The following PLB1 variants were observed in gnomAD, a reference collection of about 807,000 sequenced individuals.
PLB1 encodes the protein phospholipase B1, also known as phospholipase B1, membrane-associated.
Under a neutral mutation model 227.4 loss-of-function variants are expected in PLB1, and 242 were observed. The observed-to-expected ratio is 1.06, with a 90% CI of 0.96 to 1.18. The LOEUF is 1.18. PLB1 is among the 50% of genes most tolerant of loss of function. PLB1 has a pLI of 0.00. For missense variants in PLB1, 1,858 were observed against 1,816.3 expected, an observed-to-expected ratio of 1.02 and a Z score of -0.42; for synonymous variants, 757 against 682.2, an observed-to-expected ratio of 1.11 and a Z score of -1.71.
intron 35 of PLB1, among the ~76,000 whole-genome samples, chr2:28,599,798 TAG>T (rs1683576789): frequency 6.6e-6 from 1 of 151,050 alleles, no homozygotes; most frequent in Non-Finnish European, 1.5e-5. Flanking sequence ...GTATTTTTAG[TAG>T]AGATAGGATT....
At chr2:28,641,191 G>A (rs571492856) in intron 57 of PLB1, among the ~76,000 whole-genome samples, 190 bp downstream of exon 57, 1 of 152,346 alleles carries the variant, frequency 6.6e-6, no homozygotes, top group South Asian at 2.1e-4. Context: ...CATGGAGGGA[G>A]GGGAGAGGAC....
rs1425971858 is a variant in PLB1, at chr2:28,565,356, G to A, written c.1280+3G>A. On this transcript the variant is annotated splice_donor_region_variant and intron_variant, in intron 19 of 57. Coordinates refer to ENST00000327757, the MANE Select transcript of PLB1 (RefSeq NM_153021.5). The stretch of plus-strand genomic sequence containing the variant: ...CAGTACCGAGGCCTGTCCTGGAGGT[G>A]AGTGAGGGTGTGGCAAGGCCCCAAA... 1 of 1,603,730 alleles carries A rather than the reference G, an allele frequency of 6.2e-7. No individual in the cohort carries two copies. Among genetic ancestry groups the A allele is most frequent in the South Asian group, 1.1e-5 (1 of 88,552 alleles).
intron 53 of PLB1, 94 bp downstream of exon 53, chr2:28,629,279 G>A: frequency 8.8e-7 from 1 of 1,137,416 alleles, no homozygotes; most frequent in South Asian, 1.5e-5. Context: ...GCAGAGCCAG[G>A]CAGGCCTGCC....
Position 28,620,325 on chromosome 2 carries a change from T to C in PLB1, c.3376T>C (p.Ser1126Pro). ...CCTACCCACATCTTGGAGGGGACTC[T>C]CTTGGAGGTGAGGATGTTCTTGATG... ...SDLPTSWRGL[S>P]WSIGGDGNLE... Residue 1126 changes from serine to proline, a missense_variant, in exon 47 of 58, where the codon TCT becomes CCT. Physicochemically the swap from Ser to Pro is moderately conservative, Grantham distance 74. Transcript: ENST00000327757. 1 of 1,602,566 alleles carries C rather than the reference T, an allele frequency of 6.2e-7. No homozygotes were observed. The highest frequency in any genetic ancestry group is 8.5e-7 in the Non-Finnish European group (1 of 1,173,082).
intron 51 of PLB1, among the ~76,000 whole-genome samples, chr2:28,627,302 C>G (rs192651184): frequency 6.8e-6 from 1 of 146,932 alleles, no homozygotes; most frequent in Admixed American, 6.6e-5. Context: ...GTGACCCTAA[C>G]TCATGGGGAT....
At chr2:28,498,223 GTTA>G (rs1383900777) in intron 1 of PLB1, among the ~76,000 whole-genome samples, 7 of 151,458 alleles carry the variant, frequency 4.6e-5, no homozygotes, top group Admixed American at 4.0e-4. Context: ...ACCCAATGTT[GTTA>G]TTATTATTTC....
chr2:28,547,042 A>G (rs1673372281), intron 14 of PLB1, among the ~76,000 whole-genome samples: 1 of 152,186 alleles, frequency 6.6e-6, no homozygotes, highest in South Asian at 2.1e-4. Flanking sequence ...CTCTACTACA[A>G]TACAAGAAAT....
chr2:28,543,488 G>T (rs1672796621), intron 14 of PLB1, among the ~76,000 whole-genome samples: 1 of 152,260 alleles, frequency 6.6e-6, no homozygotes. Context: ...CCAGTGAGCA[G>T]CAAAGGTCTC....
At position 28,606,547 on chromosome 2, in the gene PLB1, C is replaced by A. The variant is rs762365031; in HGVS notation, c.3109C>A (p.Pro1037Thr). Residue 1037 changes from proline (P) to threonine (T), a missense_variant, in exon 43 of 58, where the codon CCC becomes ACC. Coordinates refer to ENST00000327757, the MANE Select transcript of PLB1 (RefSeq NM_153021.5). ...TETLDLRAEMPITCPTQNEPF... is the reference protein window; with the variant it reads ...TETLDLRAEMTITCPTQNEPF... ...GACCCTGGACCTGAGAGCAGAGATG[C>A]CCATCACCTGTCCCACTCAGGTAGT... The A allele has an allele frequency of 2.5e-6, 4 of 1,614,174 alleles. No individual in the cohort carries two copies. Among genetic ancestry groups the A allele is most frequent in the Non-Finnish European group, 3.4e-6 (4 of 1,180,028 alleles).
At chr2:28,529,677 T>C (rs1435603435) in intron 7 of PLB1, 51 bp from the exon 8 acceptor site, 1 of 1,572,638 alleles carries the variant, frequency 6.4e-7, no homozygotes, top group Admixed American at 1.7e-5. Context: ...TTCCAGCCCT[T>C]AACAAAATAA....
intron 25 of PLB1, among the ~76,000 whole-genome samples, chr2:28,584,314 A>G (rs1273143680): frequency 6.6e-6 from 1 of 152,242 alleles, no homozygotes; most frequent in Non-Finnish European, 1.5e-5. Flanking sequence ...CAAACCGCAC[A>G]GGTCCCCTGG....
intron 5 of PLB1, 41 bp downstream of exon 5, chr2:28,525,348 A>C (rs2148186623): frequency 6.3e-7 from 1 of 1,588,572 alleles, no homozygotes. Context: ...AGGAGCCCGG[A>C]GATGCTCCCA....
chr2:28,594,159 C>A (rs1682507122), intron 33 of PLB1: 2 of 469,198 alleles, frequency 4.3e-6, no homozygotes, highest in Admixed American at 2.5e-5. Context: ...CACACAGCTG[C>A]CTTTACATAT....
At chr2:28,580,628 C>T (rs769359649) in intron 23 of PLB1, among the ~76,000 whole-genome samples, 2 of 151,966 alleles carry the variant, frequency 1.3e-5, no homozygotes, top group Non-Finnish European at 2.9e-5. Context: ...GCGGAAGAAT[C>T]GCTTGAACCC....
intron 40 of PLB1, 152 bp downstream of exon 40, chr2:28,604,199 A>C: frequency 2.8e-6 from 2 of 711,620 alleles, no homozygotes; most frequent in East Asian, 2.7e-5. Context: ...CCTCTGTCTC[A>C]CGTGACTGTG....
chr2:28,582,563 C>A, intron 25 of PLB1, 58 bp downstream of exon 25: 2 of 1,297,996 alleles, frequency 1.5e-6, no homozygotes, highest in Non-Finnish European at 2.2e-6. Flanking sequence ...AGGGCAGTGG[C>A]ACCCTTAGCA....
intron 44 of PLB1, 41 bp from the exon 45 acceptor site, chr2:28,617,686 A>G (rs751254915): frequency 2.5e-6 from 4 of 1,596,286 alleles, no homozygotes; most frequent in Non-Finnish European, 2.6e-6. Context: ...CTCCCTGCAC[A>G]ATGAGTGTTG....
intron 14 of PLB1, 66 bp from the exon 15 acceptor site, chr2:28,548,794 C>T (rs1283731808): frequency 8.0e-6 from 12 of 1,491,410 alleles, no homozygotes; most frequent in Non-Finnish European, 1.1e-5. Context: ...GTCTTTCTCA[C>T]TGGTGACTTG....
intron 18 of PLB1, among the ~76,000 whole-genome samples, chr2:28,563,977 C>T (rs1676449373): frequency 6.6e-6 from 1 of 152,140 alleles, no homozygotes; most frequent in South Asian, 2.1e-4. Context: ...CAGTGGCTCA[C>T]ATCTATAATC....
Sources: gnomAD v4.1 joint callset for allele counts (sites outside exome capture counted in the v4.1 genomes callset) on GRCh38, gnomAD v4.1.1 for gene constraint, MANE v1.5 for transcripts, NCBI Gene and HGNC (gene_info 2026-07-23, HGNC 2026-07-21) for gene names.